Variants in SLC44A5 observed in about 807,000 individuals in gnomAD.
SLC44A5 encodes the protein solute carrier family 44 member 5.
Under a neutral mutation model 101.8 loss-of-function variants are expected in SLC44A5, and 57 were observed. That is an observed-to-expected ratio of 0.56 (90% CI 0.45 to 0.70). The LOEUF is 0.70. SLC44A5 is among the 30% of genes least tolerant of loss of function. The probability of loss-of-function intolerance (pLI) is 0.00; values close to 1 mark genes in which losing one functional copy is unlikely to be tolerated. For missense variants in SLC44A5, 737 were observed against 853.1 expected, an observed-to-expected ratio of 0.86 and a Z score of 1.70; for synonymous variants, 281 against 290.9, an observed-to-expected ratio of 0.97 and a Z score of 0.35.
At chr1:75,652,245 T>C in the SLC44A5 span, among the ~76,000 whole-genome samples, 1 of 152,202 alleles carries the variant, frequency 6.6e-6, no homozygotes, top group African/African-American at 2.4e-5. Context: ...AGATCCTGGA[T>C]GTACACCAAC....
intron 3 of SLC44A5, among the ~76,000 whole-genome samples, chr1:75,395,577 A>G (rs1487137582): frequency 6.6e-6 from 1 of 152,186 alleles, no homozygotes; most frequent in African/African-American, 2.4e-5. Context: ...AGGTAAAATT[A>G]AAGTACATGA....
intron 4 of SLC44A5, among the ~76,000 whole-genome samples, chr1:75,337,751 C>T (rs1006806842): frequency 2.0e-5 from 3 of 152,280 alleles, no homozygotes; most frequent in African/African-American, 7.2e-5. Context: ...ATCATCCCTT[C>T]GCCTTTTCTC....
intron 3 of SLC44A5, among the ~76,000 whole-genome samples, chr1:75,374,261 G>A (rs1297034721): frequency 2.0e-5 from 3 of 152,128 alleles, no homozygotes; most frequent in Admixed American, 2.0e-4. Context: ...AATACCTGTG[G>A]TACCACCACT....
chr1:75,299,995 A>G (rs867722491), intron 5 of SLC44A5, among the ~76,000 whole-genome samples: 1 of 139,366 alleles, frequency 7.2e-6, no homozygotes, highest in Non-Finnish European at 1.5e-5. Context: ...CAGCCTGGGA[A>G]CACAGTGAGA....
chr1:75,614,635 C>G (rs1478457656), upstream of SLC44A5, among the ~76,000 whole-genome samples: 1 of 152,178 alleles, frequency 6.6e-6, no homozygotes, highest in Non-Finnish European at 1.5e-5. Context: ...CTGCTGTAGT[C>G]CAAGCCAATG....
chr1:75,360,764 C>CT (rs531130258), intron 3 of SLC44A5, among the ~76,000 whole-genome samples: 3 of 152,122 alleles, frequency 2.0e-5, no homozygotes, highest in African/African-American at 7.2e-5. Flanking sequence ...GGCTTTGTTC[C>CT]TTTTGCTCAA....
At chr1:75,421,866 C>T (rs566165285) in intron 2 of SLC44A5, among the ~76,000 whole-genome samples, 36 of 149,702 alleles carry the variant, frequency 2.4e-4, no homozygotes, top group African/African-American at 7.6e-4. Flanking sequence ...AAATCTGTTA[C>T]TTTTTTGAAA....
chr1:75,385,826 C>T lies in SLC44A5; in HGVS notation c.52+10757G>A, dbSNP rs181353985. Among the ~76,000 whole-genome samples, 76 of 151,898 alleles carry T rather than the reference C, an allele frequency of 5.0e-4. 1 individual carries two copies. In the East Asian group the frequency reaches 8.9e-3, roughly 18 times the overall value. On this transcript the variant is annotated intron_variant, in intron 3 of 23. Transcript: ENST00000370859. ...AATCCTCAATAAAATACTGGCAAAA[C>T]GAATCCAGCAGCACATCCAAAAGCT...
the SLC44A5 span, among the ~76,000 whole-genome samples, chr1:75,679,858 C>G: frequency 6.6e-6 from 1 of 152,124 alleles, no homozygotes; most frequent in Non-Finnish European, 1.5e-5. Context: ...GTGCTGTATT[C>G]AGGAAACCCA....
chr1:75,238,219 G>A (rs1415460), intron 10 of SLC44A5, among the ~76,000 whole-genome samples: 41,005 of 148,874 alleles, frequency 0.28, 5,850 homozygotes, highest in Middle Eastern at 0.35. Context: ...TGCTTGAACC[G>A]GGAAGGTGGA....
rs560138854 is a variant in SLC44A5 at position 75,298,206 on chromosome 1, C to T, written c.175+2406G>A. On this transcript the variant is annotated intron_variant, in intron 5 of 23. Coordinates refer to ENST00000370859, the MANE Select transcript of SLC44A5 (RefSeq NM_001130058.2). ...TCTGCCATAGTTTCCCCTCATGCTTCTTTTAGTCCAACATTAGATATAATC... is the reference window on the plus strand; with the variant it reads ...TCTGCCATAGTTTCCCCTCATGCTTTTTTTAGTCCAACATTAGATATAATC... Among the ~76,000 whole-genome samples the T allele has an allele frequency of 1.6e-4, 24 of 152,190 alleles. No homozygotes were observed. In the South Asian group the frequency reaches 3.9e-3, roughly 25 times the overall value.
chr1:75,224,923 T>A (rs886201747), intron 13 of SLC44A5, among the ~76,000 whole-genome samples: 4 of 152,120 alleles, frequency 2.6e-5, no homozygotes, highest in Non-Finnish European at 4.4e-5. Flanking sequence ...GTTAAAAAAA[T>A]TAAAAATTTA....
intron 2 of SLC44A5, among the ~76,000 whole-genome samples, chr1:75,478,423 G>A (rs1474957670): frequency 6.6e-6 from 1 of 152,178 alleles, no homozygotes; most frequent in Non-Finnish European, 1.5e-5. Context: ...AATGTAAATG[G>A]ACTAAATGCT....
intron 6 of SLC44A5, among the ~76,000 whole-genome samples, chr1:75,272,643 G>A (rs995076281): frequency 1.3e-5 from 2 of 152,020 alleles, no homozygotes; most frequent in African/African-American, 2.4e-5. Context: ...TATTGAACAG[G>A]ATGTCCTTTC....
chr1:75,289,848 C>A (rs1353986768), intron 5 of SLC44A5, among the ~76,000 whole-genome samples: 1 of 152,136 alleles, frequency 6.6e-6, no homozygotes, highest in Non-Finnish European at 1.5e-5. Flanking sequence ...AATGATTTGG[C>A]TACATTGTCA....
At chr1:75,397,951 G>A (rs529318349) in intron 2 of SLC44A5, among the ~76,000 whole-genome samples, 2 of 152,108 alleles carry the variant, frequency 1.3e-5, no homozygotes, top group East Asian at 3.9e-4. Flanking sequence ...GCATTATTAG[G>A]GACATACAGG....
intron 4 of SLC44A5, among the ~76,000 whole-genome samples, chr1:75,318,214 C>T (rs1043144513): frequency 3.9e-5 from 6 of 151,902 alleles, no homozygotes; most frequent in African/African-American, 1.2e-4. Context: ...TTCGTCTCTA[C>T]ACAAATAAAA....
At chr1:75,318,976 T>G (rs1360636260) in intron 4 of SLC44A5, among the ~76,000 whole-genome samples, 1 of 152,126 alleles carries the variant, frequency 6.6e-6, no homozygotes, top group Admixed American at 6.6e-5. Context: ...CAGCTCATAT[T>G]TTCAAGGCCT....
At chr1:75,661,844 T>C in the SLC44A5 span, among the ~76,000 whole-genome samples, 1 of 151,808 alleles carries the variant, frequency 6.6e-6, no homozygotes, top group Non-Finnish European at 1.5e-5. Context: ...GGACAGAAAA[T>C]AACAGATGAT....
Sources: gnomAD v4.1 joint callset for allele counts (sites outside exome capture counted in the v4.1 genomes callset) on GRCh38, gnomAD v4.1.1 for gene constraint, MANE v1.5 for transcripts, NCBI Gene and HGNC (gene_info 2026-07-23, HGNC 2026-07-21) for gene names.